The following SATB2 variants were observed in gnomAD, a reference collection of about 807,000 sequenced individuals.
SATB2 encodes the protein SATB homeobox 2, also known as DNA-binding protein SATB2.
A neutral mutation model predicts 73.4 loss-of-function variants in SATB2; 1 was observed. The observed-to-expected ratio is 0.01, with a 90% CI of 0.00 to 0.06. SATB2 has a LOEUF of 0.06. Ranked by LOEUF, SATB2 falls within the 10% of genes least tolerant of loss-of-function variation. The pLI is 1.00. For missense variants in SATB2, 459 were observed against 945.8 expected (o/e 0.49, Z 6.75); for synonymous variants, 397 against 367.0 (o/e 1.08, Z -0.93).
chr2:199,368,876 T>C lies in SATB2; in HGVS notation c.598-169A>G, dbSNP rs933742805. 32 of 546,340 alleles carry C rather than the reference T, an allele frequency of 5.9e-5. No homozygotes were observed. The African/African-American group carries it at 5.9e-4, about 10-fold the overall frequency. 33.8% of individuals were successfully genotyped at this position (546,340 alleles called of 1,614,324 possible). A position where few individuals can be genotyped will look rare whatever the true frequency, so the allele number is the denominator to read the frequency against. On this transcript the variant is annotated intron_variant, in intron 5 of 10. Coordinates refer to ENST00000417098, the MANE Select transcript of SATB2 (RefSeq NM_001172509.2). Reference sequence around the variant, plus strand: ...CAAACACGATTACCTGAATTTACCATCCCTTTAATTTATACAATGATAGTG... The same window carrying C: ...CAAACACGATTACCTGAATTTACCACCCCTTTAATTTATACAATGATAGTG...
In SATB2 at chr2:199,289,803, C is replaced by G. The variant is rs539443040; in HGVS notation, c.1741-17131G>C. ...TGACTCCTTCCCCTCAACTAAAACT[C>G]CACATCTAGTTGATCCCACGTGTTG... On this transcript the variant is annotated intron_variant, in intron 10 of 10. Transcript: ENST00000417098. 2.6e-5 allele frequency among the ~76,000 whole-genome samples: 4 copies of G among 152,298 alleles called. No individual in the cohort carries two copies. In the East Asian group the frequency reaches 7.7e-4, roughly 29 times the overall value.
chr2:199,419,906 A>T (rs997747879), intron 3 of SATB2, among the ~76,000 whole-genome samples: 2 of 152,210 alleles, frequency 1.3e-5, no homozygotes, highest in African/African-American at 4.8e-5. Flanking sequence ...CCTGAAGAAA[A>T]AAATAAATAA....
chr2:199,389,099 A>G (rs1045259181), intron 3 of SATB2, among the ~76,000 whole-genome samples: 1 of 152,176 alleles, frequency 6.6e-6, no homozygotes, highest in Non-Finnish European at 1.5e-5. Flanking sequence ...TGACTGTGGT[A>G]TATCATCAAA....
At chr2:199,441,859 G>A (rs922166186) in intron 2 of SATB2, among the ~76,000 whole-genome samples, 2 of 152,186 alleles carry the variant, frequency 1.3e-5, no homozygotes, top group African/African-American at 4.8e-5. Flanking sequence ...AATTGGCCAG[G>A]CAGTTTGCAA....
chr2:199,458,572 G>A, upstream of SATB2: 1 of 416,036 alleles, frequency 2.4e-6, no homozygotes, highest in African/African-American at 2.2e-5. Flanking sequence ...GCCTCGCCCA[G>A]CCCCTAGGCG....
At chr2:199,331,010 G>C (rs1278663235) in intron 7 of SATB2, among the ~76,000 whole-genome samples, 1 of 152,058 alleles carries the variant, frequency 6.6e-6, no homozygotes, top group Non-Finnish European at 1.5e-5. Context: ...ATACTCAAGA[G>C]ATCTCAAAGG....
intron 3 of SATB2, among the ~76,000 whole-genome samples, chr2:199,408,764 T>C (rs1690715326): frequency 6.6e-6 from 1 of 151,798 alleles, no homozygotes; most frequent in Non-Finnish European, 1.5e-5. Context: ...TATATCAATA[T>C]ACTTTCAAGA....
rs1488708826 is a variant in SATB2 at position 199,322,830 on chromosome 2, TC to T, written c.1542+972del. On this transcript the variant is annotated intron_variant, in intron 9 of 10. Coordinates refer to ENST00000417098, the MANE Select transcript of SATB2 (RefSeq NM_001172509.2). ...AAATACAATACTCAGTCACTTCCTT[TC>T]TTTATAGCACACAACAGAAGATTTG... Among the ~76,000 whole-genome samples the T allele has an allele frequency of 2.0e-5, 3 of 152,286 alleles. No homozygotes were observed. In the East Asian group the frequency reaches 5.8e-4, roughly 29 times the overall value.
chr2:199,465,017 C>T (rs1295319594), exon 1 of SATB2: 10 of 152,218 alleles, frequency 6.6e-5, no homozygotes, highest in Non-Finnish European at 1.0e-4. Context: ...ACGAGGGGAA[C>T]TTTTCCTTTT....
chr2:199,373,122 G>A (rs1689498523), intron 5 of SATB2, among the ~76,000 whole-genome samples: 1 of 152,114 alleles, frequency 6.6e-6, no homozygotes, highest in Admixed American at 6.5e-5. Context: ...GCAATGTGAA[G>A]AATTACATAT....
chr2:199,438,647 CAATG>C (rs1358668688), intron 2 of SATB2, among the ~76,000 whole-genome samples: 1 of 152,204 alleles, frequency 6.6e-6, no homozygotes, highest in African/African-American at 2.4e-5. Context: ...TTTAACCCAA[CAATG>C]AAAGACGAAA....
At chr2:199,460,969 T>C (rs1412894683), upstream of SATB2, among the ~76,000 whole-genome samples, 3 of 152,256 alleles carry the variant, frequency 2.0e-5, no homozygotes, top group Admixed American at 1.3e-4. This position sits in a 1 kb window ranked among gnomAD's most constrained non-coding sequence, Gnocchi z 4.0. Flanking sequence ...CTTTTCTCTT[T>C]ACTGGAGTTT....
At chr2:199,351,893 C>T (rs911368669) in intron 6 of SATB2, among the ~76,000 whole-genome samples, 1 of 152,162 alleles carries the variant, frequency 6.6e-6, no homozygotes, top group Admixed American at 6.5e-5. Flanking sequence ...GGGCTTGAGA[C>T]CGAGTCTCAC....
At chr2:199,373,111 A>G (rs1173269488) in intron 5 of SATB2, among the ~76,000 whole-genome samples, 1 of 152,188 alleles carries the variant, frequency 6.6e-6, no homozygotes, top group African/African-American at 2.4e-5. Flanking sequence ...ACATTTTTAA[A>G]GCAATGTGAA....
intron 3 of SATB2, among the ~76,000 whole-genome samples, chr2:199,431,795 C>T (rs942787321): frequency 5.3e-5 from 8 of 152,164 alleles, no homozygotes; most frequent in African/African-American, 1.4e-4. Context: ...ACGCGCTGAA[C>T]GGCTGTGCTA....
At chr2:199,335,432 GA>G (rs1688310718) in intron 7 of SATB2, among the ~76,000 whole-genome samples, 2 of 152,256 alleles carry the variant, frequency 1.3e-5, no homozygotes, top group South Asian at 4.1e-4. Flanking sequence ...ACTGCAATTG[GA>G]AATACTTTCT....
intron 4 of SATB2, among the ~76,000 whole-genome samples, chr2:199,381,200 TG>T (rs1689763846): frequency 6.6e-6 from 1 of 151,988 alleles, no homozygotes. Flanking sequence ...TGTTTTTGTT[TG>T]TTTGTTTGTT....
chr2:199,304,610 T>G (rs1316627624), intron 10 of SATB2, among the ~76,000 whole-genome samples: 5 of 152,150 alleles, frequency 3.3e-5, no homozygotes, highest in Non-Finnish European at 5.9e-5. Flanking sequence ...CTAAGATATT[T>G]ATGCTCCCCA....
chr2:199,414,289 T>G (rs1690909936), intron 3 of SATB2, among the ~76,000 whole-genome samples: 1 of 152,146 alleles, frequency 6.6e-6, no homozygotes, highest in Admixed American at 6.5e-5. Flanking sequence ...ATGAGATTTC[T>G]CCCTCTTTTG....
Sources: allele counts gnomAD v4.1 joint callset (sites outside exome capture counted in the v4.1 genomes callset), GRCh38; gene constraint gnomAD v4.1.1; non-coding constraint Gnocchi (gnomAD v3.1); transcripts MANE v1.5; gene names NCBI Gene and HGNC (gene_info 2026-07-23, HGNC 2026-07-21).